The following AGBL1 variants were observed in gnomAD, a reference collection of about 807,000 sequenced individuals.
AGBL1 encodes cytosolic carboxypeptidase 4.
Under a neutral mutation model 118.9 loss-of-function variants are expected in AGBL1, and 130 were observed. That is an observed-to-expected ratio of 1.09 (90% CI 0.95 to 1.26). The LOEUF is 1.26. Among genes scored for constraint, AGBL1 ranks in the 50% most tolerant of loss-of-function variants. The pLI, the probability that AGBL1 is intolerant of heterozygous loss-of-function variation, is 0.00. For synonymous variants in AGBL1, 555 were observed against 478.9 expected (o/e 1.16, Z -2.08); for missense variants, 1,584 against 1,298.1 (o/e 1.22, Z -3.38).
intron 17 of AGBL1, among the ~76,000 whole-genome samples, chr15:86,385,915 TCTC>T (rs150690257): frequency 6.7e-6 from 1 of 148,414 alleles, no homozygotes; most frequent in Non-Finnish European, 1.5e-5. Flanking sequence ...TTTGTTTTAT[TCTC>T]CTCCTCCTCC....
At chr15:86,739,213 G>A (rs2077642537) in intron 22 of AGBL1, among the ~76,000 whole-genome samples, 1 of 152,028 alleles carries the variant, frequency 6.6e-6, no homozygotes, top group Non-Finnish European at 1.5e-5. Context: ...GGAGGCCAAG[G>A]CAGGCAGATC....
chr15:86,787,674 A>T (rs1038390903), intron 22 of AGBL1, among the ~76,000 whole-genome samples: 1 of 152,172 alleles, frequency 6.6e-6, no homozygotes, highest in Non-Finnish European at 1.5e-5. Flanking sequence ...GCCTAATATG[A>T]ATAGTCCTCC....
At chr15:86,098,671 T>C (rs1567052822) in intron 1 of AGBL1, among the ~76,000 whole-genome samples, 1 of 152,236 alleles carries the variant, frequency 6.6e-6, no homozygotes, top group African/African-American at 2.4e-5. Flanking sequence ...CACTGGTCTA[T>C]GTATCTGTTT....
intron 1 of AGBL1, among the ~76,000 whole-genome samples, chr15:86,120,313 T>C (rs1200734194): frequency 6.6e-6 from 1 of 152,200 alleles, no homozygotes; most frequent in Non-Finnish European, 1.5e-5. Flanking sequence ...CTCTCCTTGC[T>C]CTTAATGCAA....
chr15:86,274,268 G>A (rs2079209225), intron 15 of AGBL1, among the ~76,000 whole-genome samples: 1 of 151,910 alleles, frequency 6.6e-6, no homozygotes, highest in African/African-American at 2.4e-5. Flanking sequence ...AGTCTTTTTG[G>A]TAATTTTGAG....
intron 21 of AGBL1, among the ~76,000 whole-genome samples, chr15:86,569,333 A>C (rs1391251057): frequency 6.6e-6 from 1 of 151,598 alleles, no homozygotes; most frequent in African/African-American, 2.4e-5. Context: ...TGGTAGGCTG[A>C]GGTTACGGTG....
At chr15:86,514,376 G>T (rs376575671) in intron 18 of AGBL1, among the ~76,000 whole-genome samples, 79 of 152,136 alleles carry the variant, frequency 5.2e-4, no homozygotes, top group African/African-American at 1.9e-3. Flanking sequence ...GCTCAGAATT[G>T]TGCACTGCTA....
Position 86,734,348 on chromosome 15 carries a change from A to T in AGBL1, c.3158+59912A>T, listed in dbSNP as rs1004819649. ...AGAGTGGTAATGAAATAATAATTCA[A>T]TTATAGGAAGAAGTATGGCATGACA... On this transcript the variant is annotated intron_variant, in intron 22 of 22. Transcript: ENST00000614907. Among the ~76,000 whole-genome samples, 3 of 152,168 alleles carry T rather than the reference A, an allele frequency of 2.0e-5. No homozygotes were observed. In the East Asian group the frequency reaches 5.8e-4, roughly 29 times the overall value.
chr15:86,511,376 G>A (rs748064546), intron 18 of AGBL1, among the ~76,000 whole-genome samples: 3 of 151,920 alleles, frequency 2.0e-5, no homozygotes, highest in Non-Finnish European at 4.4e-5. Flanking sequence ...GGTTCATATA[G>A]GTGTGGGGAG....
chr15:86,443,614 C>G lies in AGBL1; in HGVS notation c.2555+46068C>G, dbSNP rs376326031. On this transcript the variant is annotated intron_variant, in intron 18 of 22. Coordinates refer to ENST00000614907, the MANE Select transcript of AGBL1 (RefSeq NM_001386094.1). Reference sequence around the variant, plus strand: ...TCACCATTCCCCCTTTGCCCTTACCCTTCCCAGCCTCCGGTAACTGCTATT... The same window carrying G: ...TCACCATTCCCCCTTTGCCCTTACCGTTCCCAGCCTCCGGTAACTGCTATT... 1.6e-3 allele frequency among the ~76,000 whole-genome samples: 238 copies of G among 152,248 alleles called. 2 individuals are homozygous for G. Among genetic ancestry groups the G allele is most frequent in the African/African-American group, 5.6e-3 (232 of 41,552 alleles).
intron 19 of AGBL1, among the ~76,000 whole-genome samples, chr15:86,524,662 A>G (rs1284283808): frequency 6.6e-6 from 1 of 152,208 alleles, no homozygotes; most frequent in African/African-American, 2.4e-5. Context: ...ACCATAAGTC[A>G]CATTGTTAGC....
intron 21 of AGBL1, among the ~76,000 whole-genome samples, chr15:86,568,904 T>C (rs1047001582): frequency 1.3e-5 from 2 of 152,140 alleles, no homozygotes; most frequent in Admixed American, 6.5e-5. Context: ...TTAATGACAA[T>C]GAGATGCTGT....
intron 16 of AGBL1, among the ~76,000 whole-genome samples, chr15:86,287,704 AG>A (rs755062648): frequency 2.6e-5 from 4 of 152,150 alleles, no homozygotes; most frequent in Non-Finnish European, 5.9e-5. Flanking sequence ...ACCACTGGCA[AG>A]GACCCATGTG....
intron 22 of AGBL1, among the ~76,000 whole-genome samples, chr15:86,827,511 A>G (rs1464942222): frequency 1.5e-5 from 1 of 68,684 alleles, no homozygotes; most frequent in Non-Finnish European, 3.1e-5. Flanking sequence ...ATATATATAT[A>G]TATATATATA....
rs145011184 is a variant in AGBL1, at chr15:86,752,665, A to G, written c.3158+78229A>G. On this transcript the variant is annotated intron_variant, in intron 22 of 22. Transcript: ENST00000614907. ...CCCTGTACTCTTTTTACTGTTATCT[A>G]TATTTTTCAGACTGACATTAAGGAT... Among the ~76,000 whole-genome samples the G allele has an allele frequency of 4.8e-3, 730 of 152,144 alleles. 7 individuals carry two copies. The highest frequency in any genetic ancestry group is 0.017 in the African/African-American group (687 of 41,528).
At chr15:86,547,175 G>A (rs185705965) in intron 20 of AGBL1, among the ~76,000 whole-genome samples, 1 of 152,192 alleles carries the variant, frequency 6.6e-6, no homozygotes, top group Non-Finnish European at 1.5e-5. Flanking sequence ...GAGTAATGGT[G>A]ATAAACCATA....
chr15:86,106,198 G>A (rs898795953), intron 1 of AGBL1, among the ~76,000 whole-genome samples: 2 of 152,210 alleles, frequency 1.3e-5, no homozygotes, highest in African/African-American at 2.4e-5. Context: ...GGTAGTAAAT[G>A]TGGTGCTTAC....
chr15:86,465,412 C>T (rs768512481), intron 18 of AGBL1, among the ~76,000 whole-genome samples: 2 of 152,078 alleles, frequency 1.3e-5, no homozygotes. Flanking sequence ...AAATCTGGCA[C>T]CTTGAAAAGA....
chr15:86,642,839 T>C (rs1567099216), intron 21 of AGBL1, among the ~76,000 whole-genome samples: 1 of 152,184 alleles, frequency 6.6e-6, no homozygotes, highest in Non-Finnish European at 1.5e-5. Context: ...ACCATCTTTT[T>C]CTGTGCTTTA....
Sources: allele counts gnomAD v4.1 joint callset (sites outside exome capture counted in the v4.1 genomes callset), GRCh38; gene constraint gnomAD v4.1.1; transcripts MANE v1.5; gene names NCBI Gene and HGNC (gene_info 2026-07-23, HGNC 2026-07-21).